The following FBLN2 variants were observed in gnomAD, a reference collection of about 807,000 sequenced individuals.
FBLN2 encodes the protein fibulin 2, also known as fibulin-2.
In FBLN2, 81 loss-of-function variants were observed where a neutral mutation model predicts 123.7. The ratio of observed to expected loss-of-function variants is 0.65; its 90% CI spans 0.55 to 0.79. FBLN2 has a LOEUF of 0.79. Ranked by LOEUF, FBLN2 falls within the 30% of genes least tolerant of loss-of-function variation. FBLN2 has a pLI of 0.00. For missense variants in FBLN2, 1,603 were observed against 1,681.3 expected (o/e 0.95, Z 0.81); for synonymous variants, 699 against 701.4 (o/e 1.00, Z 0.05).
In FBLN2 at chr3:13,571,617, C is replaced by T. The variant is rs1703961217; in HGVS notation, c.1262C>T (p.Thr421Ile). Reference sequence around the variant, plus strand: ...CCCCATTCCCACGTGGAGGAGGACACAGACCCCAACTCTGTCCATTCTATC... The same window carrying T: ...CCCCATTCCCACGTGGAGGAGGACATAGACCCCAACTCTGTCCATTCTATC... ...VLPHSHVEED[T>I]DPNSVHSIPR... is the part of the protein sequence containing the mutation. The change falls in exon 2 of 18, where the codon ACA becomes ATA. Residue 421 changes from threonine to isoleucine, a missense_variant. Coordinates refer to ENST00000404922, the MANE Select transcript of FBLN2 (RefSeq NM_001004019.2). The T allele has an allele frequency of 6.2e-7, 1 of 1,610,794 alleles. No individual in the cohort carries two copies. The highest frequency in any genetic ancestry group is 8.5e-7 in the Non-Finnish European group (1 of 1,178,402).
intron 1 of FBLN2, among the ~76,000 whole-genome samples, chr3:13,564,404 A>T (rs966718101): frequency 2.6e-5 from 4 of 152,214 alleles, no homozygotes; most frequent in African/African-American, 7.2e-5. Flanking sequence ...GCAAATATTT[A>T]AAAAATTTTA....
intron 1 of FBLN2, chr3:13,569,185 C>T: frequency 2.6e-6 from 1 of 383,152 alleles, no homozygotes; most frequent in Non-Finnish European, 3.6e-6. Context: ...ATTTGAGTGG[C>T]TTGTGCAAGA....
intron 4 of FBLN2, 50 bp downstream of exon 4, chr3:13,609,692 G>GCCGGGT: frequency 2.0e-6 from 1 of 508,394 alleles, no homozygotes; most frequent in Non-Finnish European, 3.8e-6. Flanking sequence ...GGCGGGGCGG[G>GCCGGGT]AGGCTGGCCT....
Position 13,587,718 on chromosome 3 carries a change from G to T in FBLN2, c.1306+16057G>T, listed in dbSNP as rs529398493. Among the ~76,000 whole-genome samples the T allele has an allele frequency of 2.0e-5, 3 of 152,318 alleles. No homozygotes were observed. In the South Asian group the frequency reaches 6.2e-4, roughly 32 times the overall value. ...GAAACATTTTACAGCCTAGCTAAAAGCTTCATCTGCATGATAAAACTACAC... is the reference window on the plus strand; with the variant it reads ...GAAACATTTTACAGCCTAGCTAAAATCTTCATCTGCATGATAAAACTACAC... On this transcript the variant is annotated intron_variant, in intron 2 of 17. Coordinates refer to ENST00000404922, the MANE Select transcript of FBLN2 (RefSeq NM_001004019.2).
At chr3:13,625,706 A>G (rs867572224) in intron 9 of FBLN2, among the ~76,000 whole-genome samples, 1 of 151,802 alleles carries the variant, frequency 6.6e-6, no homozygotes, top group African/African-American at 2.4e-5. Flanking sequence ...CTCCCAGCCC[A>G]TTGAAGGTAG....
At chr3:13,588,498 G>A (rs1286166701) in intron 2 of FBLN2, among the ~76,000 whole-genome samples, 2 of 152,230 alleles carry the variant, frequency 1.3e-5, no homozygotes, top group Non-Finnish European at 2.9e-5. Context: ...TTCTCATTGG[G>A]AACCCTGAGC....
At position 13,621,499 on chromosome 3, in the gene FBLN2, G is replaced by A. The variant is rs537545092; in HGVS notation, c.2156-276G>A. ...CGTGGATGTGGGAAGTATCGAGTGC[G>A]TACGGGAGGCAGCCTCTGGTCCTGT... On this transcript the variant is annotated intron_variant, in intron 8 of 17. Coordinates refer to ENST00000404922, the MANE Select transcript of FBLN2 (RefSeq NM_001004019.2). Among the ~76,000 whole-genome samples, 11 of 152,262 alleles carry A rather than the reference G, an allele frequency of 7.2e-5. No homozygotes were observed. The East Asian group carries it at 7.7e-4, about 11-fold the overall frequency.
At chr3:13,613,492 C>T (rs1263190707) in intron 4 of FBLN2, among the ~76,000 whole-genome samples, 1 of 152,190 alleles carries the variant, frequency 6.6e-6, no homozygotes, top group Non-Finnish European at 1.5e-5. Flanking sequence ...CTTCCATCTT[C>T]AGGGTCACTT....
Position 13,570,716 on chromosome 3 carries a change from T to G in FBLN2, c.361T>G (p.Cys121Gly). 1 of 1,598,696 alleles carries G rather than the reference T, an allele frequency of 6.3e-7. No homozygotes were observed. The highest frequency in any genetic ancestry group is 8.5e-7 in the Non-Finnish European group (1 of 1,172,938). Reference sequence around the variant, plus strand: ...GCTGTGCCCGGAGCTGCCGCCCAACTGCATCGAGGCTGTAGTGGTGGCTGA... The same window carrying G: ...GCTGTGCCCGGAGCTGCCGCCCAACGGCATCGAGGCTGTAGTGGTGGCTGA... ...FMLCPELPPN[C>G]IEAVVVADSC... Residue 121 changes from cysteine (C) to glycine (G), a missense_variant, in exon 2 of 18, where the codon TGC (cysteine) becomes GGC (glycine). Transcript: ENST00000404922.
At chr3:13,602,965 C>T (rs959782996) in intron 2 of FBLN2, among the ~76,000 whole-genome samples, 4 of 149,254 alleles carry the variant, frequency 2.7e-5, no homozygotes, top group African/African-American at 9.9e-5. Flanking sequence ...GGCTGGAGTG[C>T]AGTGGTGCGA....
chr3:13,558,776 TCCAC>T (rs1462954020), intron 1 of FBLN2, among the ~76,000 whole-genome samples: 2,224 of 12,820 alleles, frequency 0.17, 76 homozygotes, highest in African/African-American at 0.35. Context: ...CATCCATCCA[TCCAC>T]CCATCCACCC....
intron 1 of FBLN2, among the ~76,000 whole-genome samples, chr3:13,562,420 G>A (rs903504846): frequency 3.3e-5 from 5 of 149,920 alleles, no homozygotes; most frequent in Admixed American, 1.3e-4. Flanking sequence ...GCAGTGGAGC[G>A]ATCTTGGCTC....
intron 5 of FBLN2, among the ~76,000 whole-genome samples, chr3:13,616,747 C>T (rs1430049580): frequency 1.3e-5 from 2 of 152,234 alleles, no homozygotes; most frequent in African/African-American, 2.4e-5. Context: ...AGTTGTCATA[C>T]AAAGAGCTTC....
chr3:13,585,384 G>A (rs958568284), intron 2 of FBLN2, among the ~76,000 whole-genome samples: 1 of 152,060 alleles, frequency 6.6e-6, no homozygotes, highest in Non-Finnish European at 1.5e-5. Flanking sequence ...TTTAGTGGGG[G>A]GTGTGCATGG....
chr3:13,557,952 C>T (rs1028147159), intron 1 of FBLN2, among the ~76,000 whole-genome samples: 2 of 152,238 alleles, frequency 1.3e-5, no homozygotes, highest in Admixed American at 6.5e-5. Flanking sequence ...CAGGGGCTGA[C>T]TGCCTTGGGG....
At chr3:13,590,827 T>C (rs1042165212) in intron 2 of FBLN2, among the ~76,000 whole-genome samples, 1 of 152,262 alleles carries the variant, frequency 6.6e-6, no homozygotes, top group African/African-American at 2.4e-5. Flanking sequence ...TCAGTTTTAG[T>C]GTCGATGGAC....
chr3:13,621,913 T>C lies in FBLN2; in HGVS notation c.2294T>C (p.Val765Ala). 1 of 1,611,906 alleles carries C rather than the reference T, an allele frequency of 6.2e-7. No homozygotes were observed. Among genetic ancestry groups the C allele is most frequent in the Non-Finnish European group, 8.5e-7 (1 of 1,179,138 alleles). Residue 765 changes from valine to alanine, a missense_variant and splice_region_variant, in exon 9 of 18, where the codon GTG (valine) becomes GCG (alanine). Val to Ala is a moderately conservative substitution (Grantham distance 64, BLOSUM62 0). Coordinates refer to ENST00000404922, the MANE Select transcript of FBLN2 (RefSeq NM_001004019.2). The stretch of plus-strand genomic sequence containing the variant: ...ATCCTCAATGCGCACAGGAAGTGCG[T>C]GGGTAAGCCAGGGCCCCGCCTGCCG... Reference protein sequence around the residue: ...GYILNAHRKCVDINECVTDLH... With the variant: ...GYILNAHRKCADINECVTDLH...
intron 9 of FBLN2, among the ~76,000 whole-genome samples, chr3:13,623,160 G>A (rs1221522798): frequency 1.3e-5 from 2 of 152,160 alleles, no homozygotes; most frequent in Admixed American, 6.5e-5. Flanking sequence ...CACAACATGC[G>A]CCTCCTGACC....
At chr3:13,605,410 A>G (rs1304564384) in intron 2 of FBLN2, among the ~76,000 whole-genome samples, 1 of 151,890 alleles carries the variant, frequency 6.6e-6, no homozygotes, top group African/African-American at 2.4e-5. Flanking sequence ...ATGCATTGTT[A>G]TTTTATGTGT....
Sources: allele counts gnomAD v4.1 joint callset (sites outside exome capture counted in the v4.1 genomes callset), GRCh38; gene constraint gnomAD v4.1.1; transcripts MANE v1.5; gene names NCBI Gene and HGNC (gene_info 2026-07-23, HGNC 2026-07-21).